The following NELL2 variants were observed in gnomAD, a reference collection of about 807,000 sequenced individuals.
NELL2 encodes neural EGFL like 2.
NELL2 carries 41 observed loss-of-function variants against 109.6 expected under a neutral mutation model. That is an observed-to-expected ratio of 0.37 (90% CI 0.29 to 0.49). The LOEUF (loss-of-function observed/expected upper bound fraction) is 0.49, where lower values mean the gene tolerates loss of function less well. NELL2 is among the 20% of genes least tolerant of loss of function. The pLI is 0.98. For missense variants in NELL2, 900 were observed against 1,008.3 expected (o/e 0.89, Z 1.45); for synonymous variants, 355 against 344.7 (o/e 1.03, Z -0.33).
intron 14 of NELL2, 127 bp from the exon 15 acceptor site, chr12:44,607,391 T>G: frequency 6.1e-6 from 4 of 651,410 alleles, no homozygotes; most frequent in Non-Finnish European, 9.9e-6. Context: ...TTAATTTTGT[T>G]TTCATGTAAT....
intron 9 of NELL2, among the ~76,000 whole-genome samples, chr12:44,749,640 A>G (rs1373162940): frequency 6.6e-6 from 1 of 152,188 alleles, no homozygotes; most frequent in Non-Finnish European, 1.5e-5. Context: ...TGTATTTCCA[A>G]GATGCCATTA....
chr12:44,564,848 T>C (rs1943595525), intron 15 of NELL2, among the ~76,000 whole-genome samples: 1 of 152,174 alleles, frequency 6.6e-6, no homozygotes, highest in African/African-American at 2.4e-5. Flanking sequence ...GTGCATTTGC[T>C]ATGAAATGAG....
chr12:44,709,538 G>T lies in NELL2; in HGVS notation c.1189+1754C>A, dbSNP rs76481437. On this transcript the variant is annotated intron_variant, in intron 11 of 19. Transcript: ENST00000429094. Reference sequence around the variant, plus strand: ...TGGAGCACAAGAATCACCTAGCCAAGCCCTGTCTGAATTCCTGACCCACAA... The same window carrying T: ...TGGAGCACAAGAATCACCTAGCCAATCCCTGTCTGAATTCCTGACCCACAA... Among the ~76,000 whole-genome samples the T allele has an allele frequency of 1.2e-3, 190 of 152,216 alleles. 3 individuals carry two copies. The East Asian group carries it at 0.026, about 21-fold the overall frequency.
intron 12 of NELL2, among the ~76,000 whole-genome samples, chr12:44,679,852 ATC>A (rs1948438892): frequency 6.6e-6 from 1 of 152,118 alleles, no homozygotes; most frequent in Admixed American, 6.6e-5. Context: ...CCTACATAGT[ATC>A]TTCCCTAACC....
At chr12:44,842,589 C>T (rs1944260964) in intron 2 of NELL2, among the ~76,000 whole-genome samples, 1 of 152,152 alleles carries the variant, frequency 6.6e-6, no homozygotes, top group Non-Finnish European at 1.5e-5. Flanking sequence ...AATAGATAAA[C>T]TGTATTTCAT....
intron 13 of NELL2, among the ~76,000 whole-genome samples, chr12:44,659,582 A>G (rs1947663733): frequency 6.6e-6 from 1 of 152,244 alleles, no homozygotes; most frequent in South Asian, 2.1e-4. Context: ...CATGTGGCCA[A>G]GAAACATATG....
intron 2 of NELL2, 56 bp from the exon 3 acceptor site, chr12:44,816,192 C>T: frequency 7.0e-7 from 1 of 1,421,302 alleles, no homozygotes; most frequent in Non-Finnish European, 9.5e-7. Context: ...TATGAAGTAT[C>T]TTTTACATGT....
chr12:44,536,340 C>T (rs1187513174), intron 15 of NELL2, among the ~76,000 whole-genome samples: 1 of 151,942 alleles, frequency 6.6e-6, no homozygotes, highest in Non-Finnish European at 1.5e-5. Flanking sequence ...AACATAAATG[C>T]ACACATATTT....
rs1948824028 is a variant in NELL2 at position 44,689,211 on chromosome 12, T to C, written c.1318+14515A>G. Among the ~76,000 whole-genome samples, 2 of 152,198 alleles carry C rather than the reference T, an allele frequency of 1.3e-5. 1 individual carries two copies. The highest frequency in any genetic ancestry group is 4.1e-4 in the South Asian group (2 of 4,828). On this transcript the variant is annotated intron_variant, in intron 12 of 19. Transcript: ENST00000429094. ...TCCTCTGGGCCTTTTCCATGTACTC[T>C]GAGTCTCTGCCAAAGCTAGTACATA...
rs927910093 is a variant in NELL2, at chr12:44,780,131, T to C, written c.336-109A>G. On this transcript the variant is annotated intron_variant, in intron 3 of 19. Transcript: ENST00000429094. ...GATGTACTTTTCCTAGTTCTCCCAC[T>C]AAGTACAACTAGACATCATATACAA... is the stretch of plus-strand genomic sequence containing the variant. 31 of 1,082,662 alleles carry C rather than the reference T, an allele frequency of 2.9e-5. No homozygotes were observed. The African/African-American group carries it at 4.9e-4, about 17-fold the overall frequency. 67.1% of individuals were successfully genotyped at this position (1,082,662 alleles called of 1,614,324 possible). A position where few individuals can be genotyped will look rare whatever the true frequency, so the allele number is the denominator to read the frequency against.
At chr12:44,765,647 C>A (rs1055058593) in intron 9 of NELL2, among the ~76,000 whole-genome samples, 2 of 152,146 alleles carry the variant, frequency 1.3e-5, no homozygotes, top group African/African-American at 4.8e-5. Context: ...AGATATGTTA[C>A]CAGCTTAACA....
chr12:44,632,585 C>A (rs907125564), intron 13 of NELL2, among the ~76,000 whole-genome samples: 2 of 151,932 alleles, frequency 1.3e-5, no homozygotes, highest in Non-Finnish European at 2.9e-5. Flanking sequence ...GTCTGACATA[C>A]TTGAGGCACT....
At chr12:44,570,667 CTT>C (rs1209589223) in intron 15 of NELL2, among the ~76,000 whole-genome samples, 1 of 152,082 alleles carries the variant, frequency 6.6e-6, no homozygotes. Context: ...GGCTCAAAGA[CTT>C]ATATCCTGAT....
chr12:44,559,380 T>C (rs1943382834), intron 15 of NELL2, among the ~76,000 whole-genome samples: 1 of 152,130 alleles, frequency 6.6e-6, no homozygotes, highest in Non-Finnish European at 1.5e-5. Flanking sequence ...AGACACAGAC[T>C]AGCAAATTGG....
At chr12:44,618,372 T>A (rs1020677582) in intron 13 of NELL2, among the ~76,000 whole-genome samples, 2 of 152,266 alleles carry the variant, frequency 1.3e-5, no homozygotes, top group East Asian at 3.9e-4. Flanking sequence ...TTCTAGTCTT[T>A]TCACTGGTGT....
intron 15 of NELL2, among the ~76,000 whole-genome samples, chr12:44,549,623 G>A (rs546611067): frequency 4.6e-5 from 7 of 151,962 alleles, no homozygotes; most frequent in African/African-American, 1.7e-4. Context: ...TACACTAATG[G>A]CGAACTATTT....
At chr12:44,750,833 A>C (rs1364361667) in intron 9 of NELL2, among the ~76,000 whole-genome samples, 2 of 152,168 alleles carry the variant, frequency 1.3e-5, no homozygotes, top group African/African-American at 4.8e-5. Context: ...AATTAAGTTA[A>C]ATGACTTAAC....
intron 9 of NELL2, among the ~76,000 whole-genome samples, chr12:44,753,566 T>G (rs1940750473): frequency 6.6e-6 from 1 of 152,174 alleles, no homozygotes; most frequent in South Asian, 2.1e-4. Flanking sequence ...AAATGCCATA[T>G]AAATAATGGC....
intron 13 of NELL2, among the ~76,000 whole-genome samples, chr12:44,645,328 A>G (rs1947055696): frequency 6.6e-6 from 1 of 152,196 alleles, no homozygotes; most frequent in Non-Finnish European, 1.5e-5. Context: ...GGAGATAGCA[A>G]AAGCAAATGT....
Sources: allele counts gnomAD v4.1 joint callset (sites outside exome capture counted in the v4.1 genomes callset), GRCh38; gene constraint gnomAD v4.1.1; transcripts MANE v1.5; gene names NCBI Gene and HGNC (gene_info 2026-07-23, HGNC 2026-07-21).